Variants in SIRT4 observed in about 807,000 individuals in gnomAD.
SIRT4 encodes the protein sirtuin 4.
A neutral mutation model predicts 26.1 loss-of-function variants in SIRT4; 23 were observed. The observed-to-expected ratio is 0.88, with a 90% confidence interval of 0.63 to 1.25. The LOEUF (loss-of-function observed/expected upper bound fraction) is 1.25. Ranked by LOEUF, SIRT4 falls within the 50% of genes most tolerant of loss-of-function variation. SIRT4 has a pLI of 0.00. For synonymous variants in SIRT4, 155 were observed against 158.4 expected, an observed-to-expected ratio of 0.98 and a Z score of 0.16; for missense variants, 361 against 405.4, an observed-to-expected ratio of 0.89 and a Z score of 0.94.
At chr12:120,301,051 A>C (rs1220081599), upstream of SIRT4, among the ~76,000 whole-genome samples, 5 of 152,194 alleles carry the variant, frequency 3.3e-5, no homozygotes, top group Admixed American at 3.3e-4. Flanking sequence ...ATTAACTGTA[A>C]AAACATCACT....
chr12:120,311,302 C>T (rs1221873444), intron 2 of SIRT4, among the ~76,000 whole-genome samples: 1 of 151,082 alleles, frequency 6.6e-6, no homozygotes, highest in South Asian at 2.1e-4. Flanking sequence ...TTGCGGTGAG[C>T]CAAGATCGCG....
At chr12:120,311,309 C>T (rs1262285253) in intron 2 of SIRT4, among the ~76,000 whole-genome samples, 6 of 150,764 alleles carry the variant, frequency 4.0e-5, no homozygotes, top group Admixed American at 2.7e-4. Flanking sequence ...GAGCCAAGAT[C>T]GCGCCATTGC....
the SIRT4 span, among the ~76,000 whole-genome samples, chr12:120,296,979 C>T: frequency 1.3e-5 from 2 of 149,458 alleles, no homozygotes; most frequent in Admixed American, 6.7e-5. Context: ...AATCCCAGCA[C>T]TTTGGGAGGC....
intron 2 of SIRT4, among the ~76,000 whole-genome samples, chr12:120,309,643 C>T (rs1406335318): frequency 3.3e-5 from 5 of 151,430 alleles, no homozygotes. Context: ...AAACTCCTGA[C>T]CTCAGGTGAT....
chr12:120,306,524 G>A (rs1385973014), intron 2 of SIRT4, among the ~76,000 whole-genome samples: 2 of 151,322 alleles, frequency 1.3e-5, no homozygotes, highest in African/African-American at 2.4e-5. Flanking sequence ...AAACTGGGAC[G>A]GGTGCGGTGG....
At chr12:120,292,943 G>A in the SIRT4 span, among the ~76,000 whole-genome samples, 8 of 152,144 alleles carry the variant, frequency 5.3e-5, no homozygotes, top group South Asian at 4.1e-4. Flanking sequence ...ACTAAAACAG[G>A]TAAACTTGCA....
chr12:120,309,413 C>CTTTT (rs1217829590), intron 2 of SIRT4, among the ~76,000 whole-genome samples: 1 of 135,646 alleles, frequency 7.4e-6, no homozygotes, highest in Non-Finnish European at 1.6e-5. Flanking sequence ...TTTTTCTTTT[C>CTTTT]TTTTTTTTTT....
At chr12:120,292,446 C>CA in the SIRT4 span, among the ~76,000 whole-genome samples, 3 of 151,996 alleles carry the variant, frequency 2.0e-5, no homozygotes, top group Non-Finnish European at 4.4e-5. Flanking sequence ...ACTAAAAATA[C>CA]AAAAAAATCA....
chr12:120,299,551 A>C (rs1346764291), upstream of SIRT4, among the ~76,000 whole-genome samples: 4 of 8,044 alleles, frequency 5.0e-4, no homozygotes, highest in Non-Finnish European at 1.1e-3. Context: ...GACTCTCTCA[A>C]AAAAAAAAAA....
At chr12:120,304,524 C>T (rs1872665545) in intron 2 of SIRT4, among the ~76,000 whole-genome samples, 1 of 151,690 alleles carries the variant, frequency 6.6e-6, no homozygotes, top group Non-Finnish European at 1.5e-5. Flanking sequence ...GTGGCACATG[C>T]CTGTAATCCC....
chr12:120,312,978 C>T lies in SIRT4; in HGVS notation c.887C>T (p.Ala296Val), dbSNP rs371968487. ...GGGCCCACACGGTCGGATGACTTGG[C>T]GTGTCTGAAACTGAATTCTCGTTGT... The part of the protein sequence containing the change: ...NIGPTRSDDL[A>V]CLKLNSRCGE... The change falls in exon 4 of 4, where the codon GCG becomes GTG. Residue 296 changes from alanine (A) to valine (V), a missense_variant. Transcript: ENST00000202967. 3 of 1,614,106 alleles carry T rather than the reference C, an allele frequency of 1.9e-6. No individual in the cohort carries two copies. The highest frequency in any genetic ancestry group is 1.1e-5 in the South Asian group (1 of 91,078).
the SIRT4 span, among the ~76,000 whole-genome samples, chr12:120,294,097 G>A: frequency 1.5e-5 from 2 of 131,302 alleles, no homozygotes; most frequent in African/African-American, 2.9e-5. Flanking sequence ...ACTGCCTCCC[G>A]GATTCAAGCG....
chr12:120,293,175 AATTAGCAATAATCGCGCCTCGG>A, the SIRT4 span: 1 of 152,188 alleles, frequency 6.6e-6, no homozygotes, highest in African/African-American at 2.4e-5. Flanking sequence ...AAAAGTTTTC[AATTAGCAATAATCGCGCCTCGG>A]ATAGACCTCA....
At chr12:120,302,043 A>AAC (rs975791333), upstream of SIRT4, among the ~76,000 whole-genome samples, 11 of 151,916 alleles carry the variant, frequency 7.2e-5, no homozygotes, top group South Asian at 2.1e-4. Flanking sequence ...CAAAAAAAAA[A>AAC]AACAACAACT....
intron 1 of SIRT4, among the ~76,000 whole-genome samples, chr12:120,302,753 T>G (rs1362726636): frequency 6.6e-6 from 1 of 151,344 alleles, no homozygotes; most frequent in African/African-American, 2.4e-5. Context: ...GGAGTCTTGC[T>G]TCTTCGCCCA....
chr12:120,310,329 G>A (rs867585502), intron 2 of SIRT4, among the ~76,000 whole-genome samples: 8 of 152,110 alleles, frequency 5.3e-5, no homozygotes, highest in Middle Eastern at 3.4e-3. Context: ...TCGCGCCATT[G>A]CACTCCAGCC....
At chr12:120,309,126 C>A (rs1416657545) in intron 2 of SIRT4, among the ~76,000 whole-genome samples, 2 of 152,044 alleles carry the variant, frequency 1.3e-5, no homozygotes, top group African/African-American at 4.8e-5. Context: ...TTGCGGTGAG[C>A]CAAGACTGTT....
Position 120,303,818 on chromosome 12 carries a change from A to G in SIRT4, c.257A>G (p.Asp86Gly). Residue 86 changes from aspartate (D) to glycine (G), a missense_variant, in exon 2 of 4, where the codon GAC (aspartate) becomes GGC (glycine). By Grantham distance (94) the Asp-to-Gly change is moderately conservative. Transcript: ENST00000202967. ...AAAGTGGGGCTTTATGCCCGCACTG[A>G]CCGCAGGCCCATCCAGCATGGTGAT... ...SEKVGLYART[D>G]RRPIQHGDFV... The G allele has an allele frequency of 1.9e-6, 3 of 1,614,128 alleles. No individual in the cohort carries two copies. The South Asian group carries it at 3.3e-5, about 18-fold the overall frequency.
At position 120,303,599 on chromosome 12, in the gene SIRT4, A is replaced by T; in HGVS notation, c.38A>T (p.Lys13Ile). 6.2e-7 allele frequency: 1 copy of T among 1,613,862 alleles called. No homozygotes were observed. The highest frequency in any genetic ancestry group is 1.1e-5 in the South Asian group (1 of 91,068). Residue 13 changes from lysine to isoleucine, a missense_variant, in exon 2 of 4, where the codon AAA (lysine) becomes ATA (isoleucine). Coordinates refer to ENST00000202967, the MANE Select transcript of SIRT4 (RefSeq NM_012240.3). ...MSFALTFRSA[K>I]GRWIANPSQP... Reference sequence around the variant, plus strand: ...TTTGCGTTGACTTTCAGGTCAGCAAAAGGCCGTTGGATCGCAAACCCCAGC... The same window carrying T: ...TTTGCGTTGACTTTCAGGTCAGCAATAGGCCGTTGGATCGCAAACCCCAGC...
Sources: allele counts gnomAD v4.1 joint callset (sites outside exome capture counted in the v4.1 genomes callset), GRCh38; gene constraint gnomAD v4.1.1; transcripts MANE v1.5; gene names NCBI Gene and HGNC (gene_info 2026-07-23, HGNC 2026-07-21).